CHMP2B: variants seen among roughly 807,000 people sequenced by gnomAD.
The protein encoded by CHMP2B is VPS2 homolog B.
Under a neutral mutation model 29.8 loss-of-function variants are expected in CHMP2B, and 22 were observed. The ratio of observed to expected loss-of-function variants is 0.74; its 90% CI spans 0.53 to 1.05. CHMP2B has a LOEUF of 1.05. CHMP2B is among the 50% of genes least tolerant of loss of function. The pLI is 0.00. For missense variants in CHMP2B, 261 were observed against 252.2 expected (o/e 1.03, Z -0.24); for synonymous variants, 78 against 75.8 (o/e 1.03, Z -0.15).
intron 3 of CHMP2B, among the ~76,000 whole-genome samples, chr3:87,246,339 G>T (rs1706213303): frequency 6.6e-6 from 1 of 151,938 alleles, no homozygotes; most frequent in Admixed American, 6.6e-5. Flanking sequence ...GGTTTCACAT[G>T]CTGGCCAGGC....
At chr3:87,229,959 A>G (rs1346016533) in intron 1 of CHMP2B, among the ~76,000 whole-genome samples, 1 of 152,212 alleles carries the variant, frequency 6.6e-6, no homozygotes, top group Non-Finnish European at 1.5e-5. Context: ...ACTTTGCTGT[A>G]GAAATTAATG....
intron 2 of CHMP2B, 49 bp from the exon 3 acceptor site, chr3:87,245,665 C>A: frequency 6.9e-7 from 1 of 1,443,204 alleles, no homozygotes; most frequent in Non-Finnish European, 9.7e-7. Flanking sequence ...AAATTATTGA[C>A]GACTACCCTT....
At chr3:87,251,921 T>C (rs1706319809) in intron 4 of CHMP2B, among the ~76,000 whole-genome samples, 1 of 151,954 alleles carries the variant, frequency 6.6e-6, no homozygotes, top group African/African-American at 2.4e-5. Flanking sequence ...ATCTCCTGTA[T>C]TACTTTGCTA....
chr3:87,238,452 A>G (rs912025298), intron 1 of CHMP2B, among the ~76,000 whole-genome samples: 14 of 152,184 alleles, frequency 9.2e-5, no homozygotes, highest in African/African-American at 2.7e-4. Flanking sequence ...ACCATTAAGC[A>G]GTGACTTAAC....
At chr3:87,252,450 C>A (rs2009663) in intron 4 of CHMP2B, among the ~76,000 whole-genome samples, 59,021 of 151,180 alleles carry the variant, frequency 0.39, 11,828 homozygotes, top group South Asian at 0.57. Flanking sequence ...TTCCTTCTTG[C>A]TTGTGTCCCT....
At chr3:87,248,532 T>A (rs1706258376) in intron 3 of CHMP2B, among the ~76,000 whole-genome samples, 1 of 151,694 alleles carries the variant, frequency 6.6e-6, no homozygotes. Context: ...AATTTTTGTA[T>A]ATTTAGTAGA....
At chr3:87,228,909 A>G (rs1312241955) in intron 1 of CHMP2B, among the ~76,000 whole-genome samples, 1 of 148,674 alleles carries the variant, frequency 6.7e-6, no homozygotes, top group African/African-American at 2.5e-5. Flanking sequence ...TGTGAGCTTC[A>G]CTTATTTTAC....
chr3:87,252,657 G>C (rs1706336642), intron 4 of CHMP2B, among the ~76,000 whole-genome samples: 1 of 151,576 alleles, frequency 6.6e-6, no homozygotes, highest in Non-Finnish European at 1.5e-5. Flanking sequence ...ATACTCAAGT[G>C]TCAACTACCC....
At chr3:87,229,172 C>A (rs183031864) in intron 1 of CHMP2B, among the ~76,000 whole-genome samples, 1 of 152,144 alleles carries the variant, frequency 6.6e-6, no homozygotes, top group Admixed American at 6.5e-5. Flanking sequence ...CAGTTCTGTG[C>A]TTCCTGGTGC....
At position 87,241,601 on chromosome 3, in the gene CHMP2B, AT is replaced by A. The variant is rs565728152; in HGVS notation, c.126+816del. ...ATGGCATCTTTCATTCAGCATAATTATTTTTAGGTTAATTAGTGCTGTTTCA... is the reference window on the plus strand; with the variant it reads ...ATGGCATCTTTCATTCAGCATAATTATTTTAGGTTAATTAGTGCTGTTTCA... On this transcript the variant is annotated intron_variant, in intron 2 of 5. Transcript: ENST00000263780. Among the ~76,000 whole-genome samples the A allele has an allele frequency of 2.4e-3, 359 of 152,140 alleles. 11 individuals are homozygous for A. Among genetic ancestry groups the A allele is most frequent in the Admixed American group, 0.02 (305 of 15,294 alleles).
rs1705832335 is a variant in CHMP2B at position 87,227,534 on chromosome 3, C to T, written c.12C>T (p.Leu4=). 3.1e-6 allele frequency: 5 copies of T among 1,614,084 alleles called. No individual in the cohort carries two copies. Among genetic ancestry groups the T allele is most frequent in the Non-Finnish European group, 4.2e-6 (5 of 1,180,038 alleles). The change falls in exon 1 of 6, where the codon CTC becomes CTT. Residue 4 remains leucine (L), a synonymous_variant. Coordinates refer to ENST00000263780, the MANE Select transcript of CHMP2B (RefSeq NM_014043.4). MAS[L]FKKKTVDDVI... ...CGCAGTCTTTAACCATGGCGTCCCT[C>T]TTCAAGAAGAAAACCGTGGATGGTG...
intron 1 of CHMP2B, among the ~76,000 whole-genome samples, chr3:87,233,703 C>T (rs533466340): frequency 6.6e-6 from 1 of 152,028 alleles, no homozygotes; most frequent in Non-Finnish European, 1.5e-5. Context: ...CTACCTCTTC[C>T]CTGGAGATCT....
At chr3:87,247,596 T>A (rs1187960196) in intron 3 of CHMP2B, among the ~76,000 whole-genome samples, 3 of 152,204 alleles carry the variant, frequency 2.0e-5, no homozygotes, top group African/African-American at 7.2e-5. Flanking sequence ...TTTGCTGCTT[T>A]GTAAATGTCA....
chr3:87,244,034 T>C (rs1260569996), intron 2 of CHMP2B, among the ~76,000 whole-genome samples: 1 of 150,318 alleles, frequency 6.7e-6, no homozygotes, highest in Non-Finnish European at 1.5e-5. Context: ...TTTTTTTTTT[T>C]TTGTTTTTTG....
intron 2 of CHMP2B, among the ~76,000 whole-genome samples, chr3:87,243,608 C>A (rs564520599): frequency 6.6e-6 from 1 of 152,182 alleles, no homozygotes; most frequent in East Asian, 1.9e-4. Flanking sequence ...TCAGTAAAGT[C>A]ATCTGTGAGT....
At chr3:87,227,632 C>G in intron 1 of CHMP2B, 76 bp downstream of exon 1, 2 of 1,575,180 alleles carry the variant, frequency 1.3e-6, no homozygotes, top group South Asian at 2.2e-5. Context: ...GGCCGCGATT[C>G]TGCCTACTGT....
intron 1 of CHMP2B, among the ~76,000 whole-genome samples, chr3:87,237,174 G>A (rs568217980): frequency 6.6e-6 from 1 of 152,262 alleles, no homozygotes; most frequent in East Asian, 1.9e-4. Context: ...TTTGGGGTCA[G>A]CCTATAGATG....
chr3:87,231,496 C>T (rs565619102), intron 1 of CHMP2B, among the ~76,000 whole-genome samples: 4 of 152,242 alleles, frequency 2.6e-5, no homozygotes, highest in South Asian at 2.1e-4. Context: ...ATCCTTCATC[C>T]ACAAAGTTGG....
chr3:87,243,687 T>TTA (rs1354237183), intron 2 of CHMP2B, among the ~76,000 whole-genome samples: 2 of 152,200 alleles, frequency 1.3e-5, no homozygotes. Flanking sequence ...ATAGATTAGG[T>TTA]TATCTGTCTT....
Sources: gnomAD v4.1 joint callset for allele counts (sites outside exome capture counted in the v4.1 genomes callset) on GRCh38, gnomAD v4.1.1 for gene constraint, MANE v1.5 for transcripts, NCBI Gene and HGNC (gene_info 2026-07-23, HGNC 2026-07-21) for gene names.